DOCK9: variants seen among roughly 807,000 people sequenced by gnomAD.
DOCK9 encodes dedicator of cytokinesis protein 9.
Under a neutral mutation model 263.3 loss-of-function variants are expected in DOCK9, and 89 were observed. The ratio of observed to expected loss-of-function variants is 0.34; its 90% CI spans 0.28 to 0.40. The LOEUF (loss-of-function observed/expected upper bound fraction) is 0.40, where lower values mean the gene tolerates loss of function less well. DOCK9 is among the 10% of genes least tolerant of loss of function. The pLI, the probability that DOCK9 is intolerant of heterozygous loss-of-function variation, is 1.00. For missense variants in DOCK9, 2,140 were observed against 2,603.4 expected (o/e 0.82, Z 3.87); for synonymous variants, 976 against 973.1 (o/e 1.00, Z -0.06).
Position 98,805,109 on chromosome 13 carries a change from A to C in DOCK9, c.5615T>G (p.Phe1872Cys). 2 of 1,611,386 alleles carry C rather than the reference A, an allele frequency of 1.2e-6. No individual in the cohort carries two copies. Among genetic ancestry groups the C allele is most frequent in the Non-Finnish European group, 1.7e-6 (2 of 1,178,696 alleles). Residue 1872 changes from phenylalanine to cysteine, a missense_variant, in exon 49 of 53, where the codon TTT (phenylalanine) becomes TGT (cysteine). Around this residue, in one of 2 missense-constraint regions of DOCK9, gnomAD observed 619 missense variants for 861.8 expected, o/e 0.72. Coordinates refer to ENST00000682017, the MANE Select transcript of DOCK9 (RefSeq NM_001366683.2). ...EKELQERKTE[F>C]ERSHNIRRFM... The stretch of plus-strand genomic sequence containing the variant: ...GCGGCGGATGTTGTGGGATCTCTCA[A>C]ACTCTGTTTTCCTTTCTTGCAACTC...
In DOCK9 at chr13:98,805,499, C is replaced by T. The variant is rs183485160; in HGVS notation, c.5515-290G>A. Reference sequence around the variant, plus strand: ...GTGGTACACGTCAGGATACTACAGTCAGCTTCTCCTAAAAATAAGGACATT... The same window carrying T: ...GTGGTACACGTCAGGATACTACAGTTAGCTTCTCCTAAAAATAAGGACATT... On this transcript the variant is annotated intron_variant, in intron 48 of 52. Coordinates refer to ENST00000682017, the MANE Select transcript of DOCK9 (RefSeq NM_001366683.2). Among the ~76,000 whole-genome samples, 5 of 152,212 alleles carry T rather than the reference C, an allele frequency of 3.3e-5. No individual in the cohort carries two copies. In the East Asian group the frequency reaches 5.8e-4, roughly 18 times the overall value.
chr13:99,050,476 C>T (rs1267561529), intron 1 of DOCK9, among the ~76,000 whole-genome samples: 1 of 152,098 alleles, frequency 6.6e-6, no homozygotes, highest in African/African-American at 2.4e-5. Context: ...GGGTGGATCA[C>T]GAGGTCGGAG....
chr13:98,888,168 T>G lies in DOCK9; in HGVS notation c.2033A>C (p.Gln678Pro). Reference protein sequence around the residue: ...EFKDSDEEDSQPLKCIYGRPG... With the variant: ...EFKDSDEEDSPPLKCIYGRPG... ...TAAAAAAAAACAAACCTTAAGGGGC[T>G]GAGAGTCTTCCTCATCTGAATCTTT... Residue 678 changes from glutamine (Q) to proline (P), a missense_variant, in exon 18 of 53, where the codon CAG becomes CCG. Gln to Pro is a moderately conservative substitution (Grantham distance 76, BLOSUM62 -1). Coordinates refer to ENST00000682017, the MANE Select transcript of DOCK9 (RefSeq NM_001366683.2). The G allele has an allele frequency of 6.2e-7, 1 of 1,604,894 alleles. No individual in the cohort carries two copies. The highest frequency in any genetic ancestry group is 8.5e-7 in the Non-Finnish European group (1 of 1,175,554).
chr13:99,059,940 T>G (rs554591369), intron 1 of DOCK9, among the ~76,000 whole-genome samples: 1 of 152,242 alleles, frequency 6.6e-6, no homozygotes, highest in East Asian at 1.9e-4. Context: ...CCACTTCACA[T>G]AATGTTATCA....
chr13:98,854,299 C>A (rs1219832910), intron 34 of DOCK9, among the ~76,000 whole-genome samples: 1 of 151,330 alleles, frequency 6.6e-6, no homozygotes, highest in Non-Finnish European at 1.5e-5. Context: ...GTTGAATTTC[C>A]AATTGAAATA....
intron 27 of DOCK9, among the ~76,000 whole-genome samples, chr13:98,875,866 C>T (rs1359084805): frequency 1.3e-5 from 2 of 152,166 alleles, no homozygotes; most frequent in Admixed American, 6.5e-5. Flanking sequence ...CTGATTCACA[C>T]CCTTCCTCAG....
At chr13:98,824,223 G>A (rs1025161230) in intron 45 of DOCK9, among the ~76,000 whole-genome samples, 175 bp downstream of exon 45, 18 of 152,302 alleles carry the variant, frequency 1.2e-4, no homozygotes, top group East Asian at 1.2e-3. Flanking sequence ...AGGGGAGAAC[G>A]GCAGAAGCTT....
chr13:99,060,538 G>A (rs2041142063), intron 1 of DOCK9, among the ~76,000 whole-genome samples: 1 of 152,166 alleles, frequency 6.6e-6, no homozygotes, highest in Non-Finnish European at 1.5e-5. Flanking sequence ...ACTTTCTGAA[G>A]AAACGCCAAA....
intron 1 of DOCK9, among the ~76,000 whole-genome samples, chr13:98,976,488 T>G (rs1305092106): frequency 6.6e-6 from 1 of 152,218 alleles, no homozygotes. Context: ...AGAAGATTTT[T>G]AAGAATATTC....
At chr13:99,019,375 C>T (rs561697159) in intron 1 of DOCK9, among the ~76,000 whole-genome samples, 12 of 152,272 alleles carry the variant, frequency 7.9e-5, no homozygotes, top group African/African-American at 2.9e-4. Flanking sequence ...GAATTGAATA[C>T]ATTTATGGCG....
At chr13:98,966,793 G>A (rs1948832865) in intron 1 of DOCK9, among the ~76,000 whole-genome samples, 1 of 152,256 alleles carries the variant, frequency 6.6e-6, no homozygotes, top group African/African-American at 2.4e-5. Context: ...GGTGTTGGGA[G>A]TTAGAGTTTA....
intron 1 of DOCK9, among the ~76,000 whole-genome samples, chr13:99,042,530 G>A (rs1383234706): frequency 3.9e-5 from 6 of 152,214 alleles, no homozygotes; most frequent in Non-Finnish European, 1.5e-5. Context: ...CAGGTTTAGG[G>A]GCAATGACTG....
rs71114563 is a variant in DOCK9 at position 98,951,903 on chromosome 13, C to CTTTTTTTTTTTTTTTTT, written c.243+3531_243+3532insAAAAAAAAAAAAAAAAA. On this transcript the variant is annotated intron_variant, in intron 2 of 52. Coordinates refer to ENST00000682017, the MANE Select transcript of DOCK9 (RefSeq NM_001366683.2). Reference sequence around the variant, plus strand: ...ATGTACTTTACTTCATTAATATTCCCTTTTTTTTTTTGAGATGGAGTTTTC... The same window carrying CTTTTTTTTTTTTTTTTT: ...ATGTACTTTACTTCATTAATATTCCCTTTTTTTTTTTTTTTTTTTTTTTTTTTTGAGATGGAGTTTTC... Among the ~76,000 whole-genome samples, 84 of 134,882 alleles carry CTTTTTTTTTTTTTTTTT rather than the reference C, an allele frequency of 6.2e-4. 1 individual carries two copies. Among genetic ancestry groups the CTTTTTTTTTTTTTTTTT allele is most frequent in the South Asian group, 1.7e-3 (7 of 4,058 alleles). 88.5% of individuals were successfully genotyped at this position (134,882 alleles called of 152,430 possible). A position where few individuals can be genotyped will look rare whatever the true frequency, so the allele number is the denominator to read the frequency against.
intron 1 of DOCK9, among the ~76,000 whole-genome samples, chr13:99,024,919 C>T (rs922842303): frequency 3.3e-5 from 5 of 152,120 alleles, no homozygotes; most frequent in Non-Finnish European, 7.4e-5. Flanking sequence ...TGGAACTAAA[C>T]ATTCCATATT....
chr13:99,056,753 C>G (rs1037365337), intron 1 of DOCK9, among the ~76,000 whole-genome samples: 3 of 152,216 alleles, frequency 2.0e-5, no homozygotes, highest in Non-Finnish European at 2.9e-5. Flanking sequence ...TCCCTTCCCC[C>G]AGTGGCAATC....
At chr13:98,813,168 CTCTTTA>C (rs1460486518) in intron 45 of DOCK9, among the ~76,000 whole-genome samples, 2 of 152,148 alleles carry the variant, frequency 1.3e-5, no homozygotes. Flanking sequence ...TCGGGATTTT[CTCTTTA>C]TAACTATGTC....
At chr13:99,086,536 G>A in exon 1 of DOCK9, 2 of 218,690 alleles carry the variant, frequency 9.1e-6, no homozygotes, top group Non-Finnish European at 1.5e-5. Context: ...TCTGCACCGT[G>A]TCACGCCCCA....
At position 98,807,734 on chromosome 13, in the gene DOCK9, G is replaced by A. The variant is rs2090887844; in HGVS notation, c.5441C>T (p.Ser1814Phe). ...EPKLTPLSEI[S>F]QRLLKLYSDK... is the part of the protein sequence containing the mutation. Reference sequence around the variant, plus strand: ...CGAGTACAGTTTAAGGAGTCTCTGAGAAATTTCCGACAGCGGTGTGAGTTT... The same window carrying A: ...CGAGTACAGTTTAAGGAGTCTCTGAAAAATTTCCGACAGCGGTGTGAGTTT... The change falls in exon 48 of 53, where the codon TCT becomes TTT. Residue 1814 changes from serine (S) to phenylalanine (F), a missense_variant. Ser to Phe is a radical substitution (Grantham distance 155, BLOSUM62 -2). This residue lies in a region of DOCK9 where 619 missense variants were observed against 861.8 expected (regional missense o/e 0.72). Coordinates refer to ENST00000682017, the MANE Select transcript of DOCK9 (RefSeq NM_001366683.2). 6.2e-7 allele frequency: 1 copy of A among 1,613,658 alleles called. No homozygotes were observed. The highest frequency in any genetic ancestry group is 1.1e-5 in the South Asian group (1 of 91,048).
intron 1 of DOCK9, among the ~76,000 whole-genome samples, chr13:98,992,684 G>A (rs956994800): frequency 4.6e-5 from 7 of 151,968 alleles, no homozygotes; most frequent in Admixed American, 2.0e-4. Context: ...CTTTTCCTTC[G>A]CCTTCCACCA....
Sources: allele counts gnomAD v4.1 joint callset (sites outside exome capture counted in the v4.1 genomes callset), GRCh38; gene constraint gnomAD v4.1.1; regional missense constraint gnomAD v4.1.1; transcripts MANE v1.5; gene names NCBI Gene and HGNC (gene_info 2026-07-23, HGNC 2026-07-21).